Variants in PCDHA6 observed in about 807,000 individuals in gnomAD.
The protein encoded by PCDHA6 is protocadherin alpha-6.
Under a neutral mutation model 60.3 loss-of-function variants are expected in PCDHA6, and 55 were observed. The ratio of observed to expected loss-of-function variants is 0.91; its 90% CI spans 0.73 to 1.14. The LOEUF (loss-of-function observed/expected upper bound fraction) is 1.14, where lower values mean the gene tolerates loss of function less well. PCDHA6 is among the 50% of genes most tolerant of loss of function. The pLI is 0.00. For missense variants in PCDHA6, 1,327 were observed against 1,256.5 expected, an observed-to-expected ratio of 1.06 and a Z score of -0.85; for synonymous variants, 652 against 557.9, an observed-to-expected ratio of 1.17 and a Z score of -2.38.
At chr5:140,877,504 A>G (rs532509235) in intron 1 of PCDHA6, 1 of 1,613,764 alleles carries the variant, frequency 6.2e-7, no homozygotes, top group South Asian at 1.1e-5. Context: ...GGCCCCAAAG[A>G]CGTCGTCGCG....
intron 1 of PCDHA6, chr5:140,927,103 C>T: frequency 6.2e-7 from 1 of 1,613,768 alleles, no homozygotes; most frequent in Non-Finnish European, 8.5e-7. Flanking sequence ...GGTGGATCTA[C>T]CCAGCGGCAA....
At chr5:140,870,333 C>A in intron 1 of PCDHA6, 1 of 1,614,164 alleles carries the variant, frequency 6.2e-7, no homozygotes, top group Non-Finnish European at 8.5e-7. Flanking sequence ...TGCTGGACAG[C>A]GCCCTGGACC....
chr5:140,863,664 A>ATTTTGC (rs1331349828), intron 1 of PCDHA6: 1 of 285,864 alleles, frequency 3.5e-6, no homozygotes, highest in Non-Finnish European at 6.9e-6. Flanking sequence ...TGCTTTATTT[A>ATTTTGC]TTTTGCTTTT....
At chr5:140,951,326 T>C (rs2094571744) in intron 1 of PCDHA6, among the ~76,000 whole-genome samples, 1 of 152,158 alleles carries the variant, frequency 6.6e-6, no homozygotes, top group Admixed American at 6.5e-5. Context: ...TTGAGATTCA[T>C]CATTCTGTTT....
chr5:140,938,062 A>G (rs2091901426), intron 1 of PCDHA6, among the ~76,000 whole-genome samples: 1 of 152,176 alleles, frequency 6.6e-6, no homozygotes, highest in Non-Finnish European at 1.5e-5. Context: ...ATATACTGTC[A>G]TGCTATTCCC....
intron 1 of PCDHA6, chr5:140,871,720 TA>T: frequency 1.3e-6 from 1 of 767,368 alleles, no homozygotes; most frequent in Non-Finnish European, 2.0e-6. Flanking sequence ...CTATTTCTCT[TA>T]ATATTTGGTT....
intron 1 of PCDHA6, among the ~76,000 whole-genome samples, chr5:140,923,708 T>C (rs1554201570): frequency 1.3e-5 from 2 of 152,216 alleles, no homozygotes; most frequent in Non-Finnish European, 2.9e-5. Context: ...CCAATTTACT[T>C]GAATAAGAAT....
At chr5:140,841,924 C>T (rs1199272696) in intron 1 of PCDHA6, 2 of 1,613,772 alleles carry the variant, frequency 1.2e-6, no homozygotes, top group African/African-American at 2.7e-5. Context: ...AATCCTTGGA[C>T]AGAGAGGACG....
At chr5:140,864,471 G>A (rs924017911) in intron 1 of PCDHA6, 23 of 152,218 alleles carry the variant, frequency 1.5e-4, no homozygotes, top group African/African-American at 5.3e-4. Context: ...TTTTTGAGAT[G>A]TTGATTGCAG....
At chr5:140,963,206 AC>A (rs145404740) in intron 1 of PCDHA6, among the ~76,000 whole-genome samples, 1,595 of 152,188 alleles carry the variant, frequency 0.01, 28 homozygotes, top group African/African-American at 0.037. Context: ...GAAAAAAAAA[AC>A]CTCGTGTTTA....
chr5:140,883,575 G>A (rs782472492), intron 1 of PCDHA6: 2 of 1,614,072 alleles, frequency 1.2e-6, no homozygotes, highest in Non-Finnish European at 1.7e-6. Flanking sequence ...CCTTCGCTGT[G>A]GGCCACGGCC....
intron 1 of PCDHA6, among the ~76,000 whole-genome samples, chr5:140,920,909 C>A (rs2079923809): frequency 6.6e-6 from 1 of 151,058 alleles, no homozygotes; most frequent in Admixed American, 6.6e-5. Context: ...GTTCTCAAAT[C>A]AGTTCCAAGA....
chr5:140,966,516 G>A (rs967570115), intron 1 of PCDHA6: 27 of 436,614 alleles, frequency 6.2e-5, no homozygotes, highest in Admixed American at 4.4e-4. Flanking sequence ...GCAGCAGCAG[G>A]AAGCCGAGCC....
At chr5:140,882,699 A>C in intron 1 of PCDHA6, 3 of 1,614,184 alleles carry the variant, frequency 1.9e-6, no homozygotes, top group South Asian at 1.1e-5. Context: ...ATCATTGCAG[A>C]ATCTAGACCT....
chr5:140,841,601 G>A (rs2150319014), intron 1 of PCDHA6: 29 of 1,614,018 alleles, frequency 1.8e-5, no homozygotes, highest in South Asian at 8.8e-5. Context: ...CGACCGCGAG[G>A]AGCTGTGCGG....
At chr5:140,852,838 C>A in intron 1 of PCDHA6, 1 of 968,954 alleles carries the variant, frequency 1.0e-6, no homozygotes, top group Non-Finnish European at 1.2e-6. Context: ...CTCCTTAGAG[C>A]TAGTACTTAC....
rs576230620 is a variant in PCDHA6 at position 140,948,680 on chromosome 5, T to C, written c.2395-30269T>C. 2.0e-5 allele frequency among the ~76,000 whole-genome samples: 3 copies of C among 151,762 alleles called. No homozygotes were observed. The South Asian group carries it at 6.2e-4, about 31-fold the overall frequency. On this transcript the variant is annotated intron_variant, in intron 1 of 3. Coordinates refer to ENST00000529310, the MANE Select transcript of PCDHA6 (RefSeq NM_018909.4). Reference sequence around the variant, plus strand: ...ATCTGTAGTGATAACATCTTTTTCATTTTTGATATTGGTGATTTGTGTTCT... The same window carrying C: ...ATCTGTAGTGATAACATCTTTTTCACTTTTGATATTGGTGATTTGTGTTCT...
intron 1 of PCDHA6, chr5:140,852,075 A>G (rs2042230918): frequency 1.1e-6 from 1 of 900,346 alleles, no homozygotes; most frequent in Admixed American, 6.3e-5. Flanking sequence ...TCTTTCAGCT[A>G]TTTTATTTAA....
chr5:140,849,485 G>A, intron 1 of PCDHA6: 1 of 1,590,948 alleles, frequency 6.3e-7, no homozygotes, highest in African/African-American at 1.4e-5. Flanking sequence ...TCCCACCCCT[G>A]GCTGGTCATT....
Sources: allele counts gnomAD v4.1 joint callset (sites outside exome capture counted in the v4.1 genomes callset), GRCh38; gene constraint gnomAD v4.1.1; transcripts MANE v1.5; gene names NCBI Gene and HGNC (gene_info 2026-07-23, HGNC 2026-07-21).